The following HDAC9 variants were observed in gnomAD, a reference collection of about 807,000 sequenced individuals.
HDAC9 encodes the protein MEF-2 interacting transcription repressor (MITR) protein.
In HDAC9, 41 loss-of-function variants were observed where a neutral mutation model predicts 139.4. The observed-to-expected ratio is 0.29, with a 90% CI of 0.23 to 0.38. HDAC9 has a LOEUF of 0.38. Among genes scored for constraint, HDAC9 ranks in the 10% least tolerant of loss-of-function variants. HDAC9 has a pLI of 1.00. For missense variants in HDAC9, 1,147 were observed against 1,297.0 expected (o/e 0.88, Z 1.78); for synonymous variants, 517 against 476.2 (o/e 1.09, Z -1.12).
At chr7:18,107,530 G>GCA (rs142747684) in intron 1 of HDAC9, among the ~76,000 whole-genome samples, 14 of 150,126 alleles carry the variant, frequency 9.3e-5, no homozygotes, top group East Asian at 3.9e-4. Context: ...TCTCTCACAC[G>GCA]CACACACACA....
chr7:18,494,864 A>G (rs1487631140), upstream of HDAC9, among the ~76,000 whole-genome samples: 1 of 152,060 alleles, frequency 6.6e-6, no homozygotes, highest in Non-Finnish European at 1.5e-5. Flanking sequence ...AAATCAGACT[A>G]CTTTCTTTTC....
chr7:18,830,705 G>T (rs1423868405), intron 19 of HDAC9, among the ~76,000 whole-genome samples: 2 of 152,142 alleles, frequency 1.3e-5, no homozygotes, highest in African/African-American at 4.8e-5. Flanking sequence ...ACACTATATT[G>T]AAGCATTCCT....
intron 1 of HDAC9, among the ~76,000 whole-genome samples, chr7:18,112,546 T>C (rs1049861297): frequency 2.0e-5 from 3 of 152,218 alleles, no homozygotes; most frequent in African/African-American, 7.2e-5. Flanking sequence ...TACTTATTAA[T>C]GCAAAAGAAA....
At chr7:18,223,417 G>A (rs921359393) in intron 2 of HDAC9, among the ~76,000 whole-genome samples, 5 of 147,186 alleles carry the variant, frequency 3.4e-5, no homozygotes, top group African/African-American at 1.0e-4. Context: ...TGGATGCCAA[G>A]GCACTTTATG....
chr7:18,587,834 T>C (rs1829889740), intron 3 of HDAC9, among the ~76,000 whole-genome samples: 1 of 152,208 alleles, frequency 6.6e-6, no homozygotes, highest in South Asian at 2.1e-4. Context: ...ATGCAATCTT[T>C]GATAATGAAT....
At chr7:18,966,590 A>C (rs1424073351) in intron 24 of HDAC9, among the ~76,000 whole-genome samples, 1 of 152,134 alleles carries the variant, frequency 6.6e-6, no homozygotes, top group Non-Finnish European at 1.5e-5. Context: ...AATCGCAGCT[A>C]CTCACGAGGC....
chr7:18,857,032 T>C (rs773920399), intron 21 of HDAC9, among the ~76,000 whole-genome samples: 6 of 152,174 alleles, frequency 3.9e-5, no homozygotes, highest in Admixed American at 1.3e-4. Flanking sequence ...TCCGATTTCT[T>C]CAGTCCAGCT....
At position 18,979,031 on chromosome 7, in the gene HDAC9, A is replaced by AT. The variant is rs961414344; in HGVS notation, c.3170+3087dup. 2.3e-4 allele frequency among the ~76,000 whole-genome samples: 35 copies of AT among 151,284 alleles called. 1 individual carries two copies. Among genetic ancestry groups the AT allele is most frequent in the South Asian group, 4.2e-4 (2 of 4,764 alleles). On this transcript the variant is annotated intron_variant, in intron 25 of 25. Coordinates refer to ENST00000686413, the MANE Select transcript of HDAC9 (RefSeq NM_178425.4). ...CATTTTGACCTGTAAATCGTGTTAC[A>AT]TTTTTTTTTAACAAAATCCAGAATA...
At chr7:18,105,824 C>A (rs973560455) in intron 1 of HDAC9, among the ~76,000 whole-genome samples, 1 of 151,954 alleles carries the variant, frequency 6.6e-6, no homozygotes, top group Non-Finnish European at 1.5e-5. Context: ...GGAAACAACC[C>A]AAATGTTTAC....
At chr7:18,915,114 T>A (rs1803071708) in intron 22 of HDAC9, among the ~76,000 whole-genome samples, 1 of 152,052 alleles carries the variant, frequency 6.6e-6, no homozygotes, top group Admixed American at 6.6e-5. Context: ...TGTCTGTATG[T>A]GTAGGGGATG....
intron 12 of HDAC9, among the ~76,000 whole-genome samples, chr7:18,687,937 A>T (rs1005054381): frequency 1.3e-5 from 2 of 151,774 alleles, no homozygotes; most frequent in Non-Finnish European, 2.9e-5. Flanking sequence ...ATAACTTTTT[A>T]CTTTATAGAA....
In HDAC9 at chr7:18,996,050, G is replaced by C. The variant is rs1378992184; in HGVS notation, c.3198G>C (p.Glu1066Asp). Reference sequence around the variant, plus strand: ...CTGCTGGTGAGCCTATGGAAGAGGAGCCAGCCTTGTGAAGTGCCAAGTCCC... The same window carrying C: ...CTGCTGGTGAGCCTATGGAAGAGGACCCAGCCTTGTGAAGTGCCAAGTCCC... ...SRTAGEPMEE[E>D]PAL is the part of the protein sequence containing the mutation. The change falls in exon 26 of 26, where the codon GAG becomes GAC. Residue 1066 changes from glutamate (E) to aspartate (D), a missense_variant. Coordinates refer to ENST00000686413, the MANE Select transcript of HDAC9 (RefSeq NM_178425.4). The C allele has an allele frequency of 6.2e-7, 1 of 1,605,756 alleles. No individual in the cohort carries two copies. The highest frequency in any genetic ancestry group is 1.7e-5 in the Admixed American group (1 of 59,066).
chr7:18,116,642 T>A (rs1482554266), intron 1 of HDAC9, among the ~76,000 whole-genome samples: 10 of 152,064 alleles, frequency 6.6e-5, no homozygotes, highest in Admixed American at 6.5e-4. Flanking sequence ...TAATAAAAAT[T>A]TATTTTTTTA....
At chr7:18,495,730 A>T, upstream of HDAC9, 1 of 988,396 alleles carries the variant, frequency 1.0e-6, no homozygotes, top group South Asian at 4.7e-5. Flanking sequence ...ACTTGAGCTG[A>T]GAGAGACTGA....
chr7:18,642,118 G>A (rs1485783738), intron 8 of HDAC9, among the ~76,000 whole-genome samples: 1 of 152,068 alleles, frequency 6.6e-6, no homozygotes. Flanking sequence ...CTATGAAGAC[G>A]ACATACCAGT....
chr7:18,407,794 C>T (rs115734839), intron 1 of HDAC9, among the ~76,000 whole-genome samples: 1 of 152,144 alleles, frequency 6.6e-6, no homozygotes, highest in Non-Finnish European at 1.5e-5. Context: ...CTGCTATTCC[C>T]CGCAGTTAAA....
intron 22 of HDAC9, among the ~76,000 whole-genome samples, chr7:18,877,263 C>G (rs529943097): frequency 6.7e-4 from 102 of 152,092 alleles, no homozygotes; most frequent in Non-Finnish European, 1.2e-3. Flanking sequence ...TAAAACACTC[C>G]CCACTTGGTA....
intron 16 of HDAC9, among the ~76,000 whole-genome samples, chr7:18,786,463 TTCCTTTCG>T (rs562273190): frequency 0.051 from 1,398 of 27,418 alleles, 100 homozygotes; most frequent in South Asian, 0.14. Flanking sequence ...CTTTCCTTCC[TTCCTTTCG>T]TCCTTCCTTC....
chr7:18,875,651 ACT>A (rs914596968), intron 22 of HDAC9, among the ~76,000 whole-genome samples: 3 of 152,146 alleles, frequency 2.0e-5, no homozygotes, highest in Admixed American at 1.3e-4. Context: ...AAAACAGGAA[ACT>A]CTACAAAGAC....
Sources: allele counts gnomAD v4.1 joint callset (sites outside exome capture counted in the v4.1 genomes callset), GRCh38; gene constraint gnomAD v4.1.1; transcripts MANE v1.5; gene names NCBI Gene and HGNC (gene_info 2026-07-23, HGNC 2026-07-21).